RNF125: variants seen among roughly 807,000 people sequenced by gnomAD.
The protein encoded by RNF125 is E3 ubiquitin-protein ligase RNF125.
In RNF125, 21 loss-of-function variants were observed where a neutral mutation model predicts 26.0. The observed-to-expected ratio is 0.81, with a 90% CI of 0.57 to 1.16. RNF125 has a LOEUF of 1.16. RNF125 is among the 50% of genes most tolerant of loss of function. The pLI is 0.00. For missense variants in RNF125, 270 were observed against 299.4 expected, an observed-to-expected ratio of 0.90 and a Z score of 0.72; for synonymous variants, 95 against 109.2, an observed-to-expected ratio of 0.87 and a Z score of 0.81.
At chr18:32,026,518 G>A (rs2039038143) in intron 1 of RNF125, among the ~76,000 whole-genome samples, 1 of 151,980 alleles carries the variant, frequency 6.6e-6, no homozygotes, top group South Asian at 2.1e-4. Flanking sequence ...GGGATTACAG[G>A]TGTGAACCAC....
intron 4 of RNF125, among the ~76,000 whole-genome samples, chr18:32,057,793 A>G (rs537559870): frequency 6.6e-6 from 1 of 152,142 alleles, no homozygotes; most frequent in Non-Finnish European, 1.5e-5. Context: ...CTCAAACTTT[A>G]TCATGCATGA....
intron 4 of RNF125, among the ~76,000 whole-genome samples, chr18:32,059,341 G>T (rs895053000): frequency 6.6e-6 from 1 of 152,178 alleles, no homozygotes; most frequent in African/African-American, 2.4e-5. Flanking sequence ...ATATCTCATT[G>T]TAGTTTTGAT....
intron 1 of RNF125, among the ~76,000 whole-genome samples, chr18:32,025,664 C>CAAAAAAAA (rs34054474): frequency 4.6e-5 from 3 of 65,190 alleles, no homozygotes; most frequent in African/African-American, 8.4e-5. Flanking sequence ...AACTCTGTCT[C>CAAAAAAAA]AAAAAAAAAA....
At chr18:32,029,350 G>C (rs2039069774) in intron 1 of RNF125, among the ~76,000 whole-genome samples, 1 of 151,908 alleles carries the variant, frequency 6.6e-6, no homozygotes. Context: ...CTGGAGGCTG[G>C]GTGTGGTGGT....
chr18:32,022,304 C>CT (rs2038993429), intron 1 of RNF125, among the ~76,000 whole-genome samples: 1 of 152,142 alleles, frequency 6.6e-6, no homozygotes, highest in Non-Finnish European at 1.5e-5. Flanking sequence ...TATTGTGATG[C>CT]AGTAGTAACT....
At chr18:32,038,914 C>T (rs1030748982) in intron 2 of RNF125, among the ~76,000 whole-genome samples, 5 of 151,556 alleles carry the variant, frequency 3.3e-5, no homozygotes, top group South Asian at 2.1e-4. Context: ...TACAGGGGCC[C>T]AACACCACGC....
rs763626505 is a variant in RNF125 at position 32,037,226 on chromosome 18, G to T, written c.275G>T (p.Arg92Ile). ...EGVPATDVAK[R>I]MKSEYKNCAE... is the part of the protein sequence containing the mutation. Reference sequence around the variant, plus strand: ...GTTCCAGCAACTGATGTAGCCAAAAGAATGAAATCAGAGTATAAGAACTGC... The same window carrying T: ...GTTCCAGCAACTGATGTAGCCAAAATAATGAAATCAGAGTATAAGAACTGC... The change falls in exon 2 of 6, where the codon AGA becomes ATA. Residue 92 changes from arginine (R) to isoleucine (I), a missense_variant. By Grantham distance (97) the Arg-to-Ile change is moderately conservative. Transcript: ENST00000217740. 2 of 1,604,690 alleles carry T rather than the reference G, an allele frequency of 1.2e-6. No individual in the cohort carries two copies. Among genetic ancestry groups the T allele is most frequent in the African/African-American group, 1.3e-5 (1 of 74,244 alleles).
At chr18:32,058,152 AAAATT>A (rs2039403291) in intron 4 of RNF125, among the ~76,000 whole-genome samples, 1 of 151,766 alleles carries the variant, frequency 6.6e-6, no homozygotes, top group Admixed American at 6.6e-5. Flanking sequence ...AAAAAAAAAA[AAAATT>A]AAAGGGCAAG....
intron 4 of RNF125, among the ~76,000 whole-genome samples, chr18:32,046,683 C>T (rs571221114): frequency 1.3e-5 from 2 of 150,994 alleles, no homozygotes; most frequent in South Asian, 2.1e-4. Flanking sequence ...ATTAATGTGT[C>T]GTTTTATTCA....
At chr18:32,047,736 AT>A in intron 4 of RNF125, among the ~76,000 whole-genome samples, 1 of 152,302 alleles carries the variant, frequency 6.6e-6, no homozygotes, top group East Asian at 1.9e-4. Context: ...GGTTTTTTCC[AT>A]AAAATCCTTT....
At chr18:32,054,912 A>G (rs1016163586) in intron 4 of RNF125, among the ~76,000 whole-genome samples, 1 of 152,222 alleles carries the variant, frequency 6.6e-6, no homozygotes, top group African/African-American at 2.4e-5. Flanking sequence ...TATATTATCT[A>G]ATCTGCAAAG....
At chr18:32,040,873 G>C (rs900381395) in intron 2 of RNF125, among the ~76,000 whole-genome samples, 2 of 152,172 alleles carry the variant, frequency 1.3e-5, no homozygotes, top group African/African-American at 4.8e-5. Flanking sequence ...GTTACAGGTC[G>C]TAAAATACAT....
chr18:32,087,383 C>T, the RNF125 span, among the ~76,000 whole-genome samples: 3 of 151,924 alleles, frequency 2.0e-5, no homozygotes, highest in East Asian at 2.0e-4. Flanking sequence ...GCTGGTTGGT[C>T]GGAAGTTCTG....
intron 1 of RNF125, among the ~76,000 whole-genome samples, chr18:32,027,259 A>T (rs568781383): frequency 6.8e-4 from 102 of 150,846 alleles, no homozygotes; most frequent in Non-Finnish European, 1.3e-3. Flanking sequence ...AACAAATTTC[A>T]TAAGGAATCT....
chr18:32,032,976 GC>G (rs1307735324), intron 1 of RNF125, among the ~76,000 whole-genome samples: 1 of 152,198 alleles, frequency 6.6e-6, no homozygotes, highest in Non-Finnish European at 1.5e-5. Flanking sequence ...TTTAACATGA[GC>G]CGACCCTGAC....
rs1438285540 is a variant in RNF125, at chr18:32,042,248, C to A, written c.388C>A (p.Gln130Lys). The change falls in exon 3 of 6, where the codon CAA becomes AAA. Residue 130 changes from glutamine to lysine, a missense_variant. Physicochemically the swap from Gln to Lys is moderately conservative, Grantham distance 53. Transcript: ENST00000217740. ...GTACATAGATAAGTATGGACCACTA[C>A]AAGAACTTGAGGAGACAGCAGCAAG... Reference protein sequence around the residue: ...QKYIDKYGPLQELEETAARCV... With the variant: ...QKYIDKYGPLKELEETAARCV... The A allele has an allele frequency of 1.2e-6, 2 of 1,612,722 alleles. No individual in the cohort carries two copies. Among genetic ancestry groups the A allele is most frequent in the Non-Finnish European group, 1.7e-6 (2 of 1,179,094 alleles).
intron 4 of RNF125, among the ~76,000 whole-genome samples, chr18:32,057,302 A>T (rs1384004329): frequency 1.3e-5 from 2 of 151,562 alleles, no homozygotes; most frequent in African/African-American, 4.8e-5. Flanking sequence ...TGGCCTAATT[A>T]TGATTCTCAG....
downstream of RNF125, among the ~76,000 whole-genome samples, chr18:32,077,334 A>ATTTT (rs552701343): frequency 1.7e-3 from 182 of 107,788 alleles, 4 homozygotes; most frequent in Non-Finnish European, 2.4e-3. Flanking sequence ...CCCTCTCCCC[A>ATTTT]TTTTTTTTTT....
the RNF125 span, among the ~76,000 whole-genome samples, chr18:32,089,492 C>T: frequency 2.6e-4 from 39 of 152,248 alleles, 1 homozygote; most frequent in Middle Eastern, 6.8e-3. Flanking sequence ...CTTCTAATGA[C>T]CAAAGGCTGA....
Sources: gnomAD v4.1 joint callset for allele counts (sites outside exome capture counted in the v4.1 genomes callset) on GRCh38, gnomAD v4.1.1 for gene constraint, MANE v1.5 for transcripts, NCBI Gene and HGNC (gene_info 2026-07-23, HGNC 2026-07-21) for gene names.